Variants in ARHGEF18 observed in about 807,000 individuals in gnomAD.
The protein encoded by ARHGEF18 is Rho/Rac guanine nucleotide exchange factor 18.
In ARHGEF18, 93 loss-of-function variants were observed where a neutral mutation model predicts 155.7. The observed-to-expected ratio is 0.60, with a 90% confidence interval of 0.50 to 0.71. ARHGEF18 has a LOEUF of 0.71. Among genes scored for constraint, ARHGEF18 ranks in the 30% least tolerant of loss-of-function variants. The pLI is 0.00. For missense variants in ARHGEF18, 1,593 were observed against 1,816.1 expected (o/e 0.88, Z 2.23); for synonymous variants, 742 against 753.1 (o/e 0.99, Z 0.24).
intron 10 of ARHGEF18, among the ~76,000 whole-genome samples, chr19:7,424,976 G>A (rs969876806): frequency 4.0e-5 from 6 of 150,538 alleles, no homozygotes; most frequent in African/African-American, 1.5e-4. Context: ...CCTGGTGACA[G>A]AGTGAGACTA....
chr19:7,464,709 G>C lies in ARHGEF18; in HGVS notation c.2904+19G>C. 1 of 1,613,778 alleles carries C rather than the reference G, an allele frequency of 6.2e-7. No individual in the cohort carries two copies. The highest frequency in any genetic ancestry group is 1.1e-5 in the South Asian group (1 of 91,084). The stretch of plus-strand genomic sequence containing the variant: ...GCAGGTGGTACGTGGATATCCATTT[G>C]CTCGGTACAGTCTGAGTCGTCATAA... On this transcript the variant is annotated intron_variant, in intron 23 of 28. Coordinates refer to ENST00000668164, the MANE Select transcript of ARHGEF18 (RefSeq NM_001367823.1).
In ARHGEF18 at chr19:7,377,612, T is replaced by C. The variant is rs544319849; in HGVS notation, c.542-782T>C. ...CAGCCTGGGCAACATGGCGAAACCTTGTCTCTACTAAAAATACAAAAAACA... is the reference window on the plus strand; with the variant it reads ...CAGCCTGGGCAACATGGCGAAACCTCGTCTCTACTAAAAATACAAAAAACA... On this transcript the variant is annotated intron_variant, in intron 5 of 28. Transcript: ENST00000668164. Among the ~76,000 whole-genome samples the C allele has an allele frequency of 9.9e-5, 15 of 150,902 alleles. No individual in the cohort carries two copies. The East Asian group carries it at 2.8e-3, about 28-fold the overall frequency.
Position 7,458,710 on chromosome 19 carries a change from C to T in ARHGEF18, c.2360+20C>T, listed in dbSNP as rs1177972175. 2 of 1,597,864 alleles carry T rather than the reference C, an allele frequency of 1.3e-6. No individual in the cohort carries two copies. Among genetic ancestry groups the T allele is most frequent in the South Asian group, 2.2e-5 (2 of 90,000 alleles). On this transcript the variant is annotated intron_variant, in intron 19 of 28. Coordinates refer to ENST00000668164, the MANE Select transcript of ARHGEF18 (RefSeq NM_001367823.1). ...GGAGAGGTGAGGAGGGCCTGGGGGT[C>T]TCCCCACCCACTGTGTTCCTTCCGC...
At position 7,409,050 on chromosome 19, in the gene ARHGEF18, C is replaced by T. The variant is rs142840641; in HGVS notation, c.967+25847C>T. Among the ~76,000 whole-genome samples, 1,212 of 150,220 alleles carry T rather than the reference C, an allele frequency of 8.1e-3. 22 individuals carry two copies. Among genetic ancestry groups the T allele is most frequent in the African/African-American group, 0.028 (1,140 of 40,438 alleles). ...ATTCCAGCCTGGGCAAGAGCAAGAC[C>T]CTGTTTCTTTTTTTTTTTTTTTTTT... On this transcript the variant is annotated intron_variant, in intron 10 of 28. Transcript: ENST00000668164.
Position 7,351,167 on chromosome 19 carries a change from T to C in ARHGEF18, c.-111+1926T>C, listed in dbSNP as rs929557412. ...TGGCACGTAATAGATCAGAAAACAT[T>C]GTCAGCCTCACCTATGCCTTCATAC... On this transcript the variant is annotated intron_variant, in intron 1 of 28. Coordinates refer to ENST00000668164, the MANE Select transcript of ARHGEF18 (RefSeq NM_001367823.1). Among the ~76,000 whole-genome samples the C allele has an allele frequency of 2.6e-5, 4 of 152,278 alleles. No individual in the cohort carries two copies. The East Asian group carries it at 7.7e-4, about 29-fold the overall frequency.
intron 10 of ARHGEF18, among the ~76,000 whole-genome samples, chr19:7,431,679 C>CGG (rs754833422): frequency 6.6e-6 from 1 of 151,890 alleles, no homozygotes; most frequent in Non-Finnish European, 1.5e-5. Flanking sequence ...GCGGGCGTGG[C>CGG]GGCGCATGCC....
At position 7,350,785 on chromosome 19, in the gene ARHGEF18, T is replaced by G. The variant is rs373193332; in HGVS notation, c.-111+1544T>G. Among the ~76,000 whole-genome samples, 901 of 146,450 alleles carry G rather than the reference T, an allele frequency of 6.2e-3. 9 individuals are homozygous for G. The highest frequency in any genetic ancestry group is 0.021 in the African/African-American group (853 of 40,334). Reference sequence around the variant, plus strand: ...TGGGGTGGGTGTGTGTGTGTGTGTGTGTGTGTGTGTGTGTGTGTGTGTGTG... The same window carrying G: ...TGGGGTGGGTGTGTGTGTGTGTGTGGGTGTGTGTGTGTGTGTGTGTGTGTG... On this transcript the variant is annotated intron_variant, in intron 1 of 28. Transcript: ENST00000668164.
chr19:7,355,058 C>T (rs1365289453), intron 1 of ARHGEF18, among the ~76,000 whole-genome samples: 2 of 149,460 alleles, frequency 1.3e-5, no homozygotes, highest in Non-Finnish European at 3.0e-5. Context: ...CTCACGGATA[C>T]CAATGGGCTT....
intron 17 of ARHGEF18, among the ~76,000 whole-genome samples, chr19:7,455,748 G>T (rs1455836493): frequency 2.6e-5 from 4 of 152,202 alleles, no homozygotes; most frequent in African/African-American, 9.7e-5. Context: ...ACCTGTGGGG[G>T]AAGGCCTCAC....
At position 7,457,353 on chromosome 19, in the gene ARHGEF18, C is replaced by CTTTTTT. The variant is rs1159186670; in HGVS notation, c.2181+972_2181+977dup. 1.8e-4 allele frequency among the ~76,000 whole-genome samples: 11 copies of CTTTTTT among 60,216 alleles called. 2 individuals are homozygous for CTTTTTT. The highest frequency in any genetic ancestry group is 6.5e-4 in the African/African-American group (8 of 12,320). The allele number at this position is 60,216 out of a possible 152,430, so 39.5% of individuals were successfully genotyped here. ...ATCTCATTTTGCCATAATCACCTCT[C>CTTTTTT]TTTTTTTTTTTTTTTTTTTTTTTTT... On this transcript the variant is annotated intron_variant, in intron 18 of 28. Coordinates refer to ENST00000668164, the MANE Select transcript of ARHGEF18 (RefSeq NM_001367823.1).
intron 10 of ARHGEF18, among the ~76,000 whole-genome samples, chr19:7,385,099 G>A (rs981192066): frequency 1.3e-5 from 2 of 152,174 alleles, no homozygotes; most frequent in Non-Finnish European, 2.9e-5. Context: ...TCTTCTGCAG[G>A]GGATGAGCTG....
intron 10 of ARHGEF18, 148 bp downstream of exon 10, chr19:7,383,351 G>T: frequency 1.1e-6 from 1 of 897,012 alleles, no homozygotes; most frequent in Non-Finnish European, 1.5e-6. Flanking sequence ...AGAGAACCAG[G>T]GATCAGTCCC....
chr19:7,453,486 A>G lies in ARHGEF18; in HGVS notation c.1875A>G (p.Glu625=). The change falls in exon 17 of 29, where the codon GAA becomes GAG. Residue 625 remains glutamate, a synonymous_variant. Coordinates refer to ENST00000668164, the MANE Select transcript of ARHGEF18 (RefSeq NM_001367823.1). ...QNTEAGTEDY[E]DLTQALNLIK... ...TGGCAGCTGGCACTGAGGACTATGA[A>G]GACCTGACCCAGGCCTTGAACCTCA... 6.2e-7 allele frequency: 1 copy of G among 1,609,048 alleles called. No homozygotes were observed. Among genetic ancestry groups the G allele is most frequent in the Non-Finnish European group, 8.5e-7 (1 of 1,176,580 alleles).
Position 7,383,306 on chromosome 19 carries a change from C to T in ARHGEF18, c.967+103C>T, listed in dbSNP as rs141559731. On this transcript the variant is annotated intron_variant, in intron 10 of 28. Transcript: ENST00000668164. ...GGGTCTCTTTTGATGTGTGCATCCT[C>T]GTTCTGTTTTGCCCTCTCCTCGGCG... 8.8e-5 allele frequency: 106 copies of T among 1,206,970 alleles called. No individual in the cohort carries two copies. The African/African-American group carries it at 1.1e-3, about 13-fold the overall frequency. 74.8% of individuals were successfully genotyped at this position (1,206,970 alleles called of 1,614,324 possible). A position where few individuals can be genotyped will look rare whatever the true frequency, so the allele number is the denominator to read the frequency against.
At chr19:7,468,243 C>A (rs1488510870) in intron 26 of ARHGEF18, among the ~76,000 whole-genome samples, 1 of 105,488 alleles carries the variant, frequency 9.5e-6, no homozygotes, top group East Asian at 3.0e-4. Context: ...AGAGTGAGAC[C>A]CCGTCTCAAA....
chr19:7,397,843 AC>A (rs2145554053), intron 10 of ARHGEF18, among the ~76,000 whole-genome samples: 1 of 151,886 alleles, frequency 6.6e-6, no homozygotes, highest in Admixed American at 6.6e-5. Context: ...TGCTAGGATT[AC>A]AGGCGTGAGC....
chr19:7,460,078 G>GC, intron 20 of ARHGEF18, 84 bp downstream of exon 20: 6 of 1,325,122 alleles, frequency 4.5e-6, no homozygotes, highest in East Asian at 2.6e-5. Flanking sequence ...AGGGTGAACT[G>GC]CCCCCCAGGT....
At position 7,373,463 on chromosome 19, in the gene ARHGEF18, GT is replaced by G. The variant is rs534449492; in HGVS notation, c.275+405del. On this transcript the variant is annotated intron_variant, in intron 3 of 28. Transcript: ENST00000668164. Reference sequence around the variant, plus strand: ...ACTAGATTCTCTTGTTTTTGTGTTTGTTTTTTTTTTTTTGTTTTTGTTTTTT... The same window carrying G: ...ACTAGATTCTCTTGTTTTTGTGTTTGTTTTTTTTTTTTGTTTTTGTTTTTT... Among the ~76,000 whole-genome samples the G allele has an allele frequency of 3.5e-3, 301 of 87,112 alleles. 2 individuals are homozygous for G. The highest frequency in any genetic ancestry group is 0.029 in the African/African-American group (238 of 8,246). 57.1% of individuals were successfully genotyped at this position (87,112 alleles called of 152,430 possible). A position where few individuals can be genotyped will look rare whatever the true frequency, so the allele number is the denominator to read the frequency against.
intron 10 of ARHGEF18, among the ~76,000 whole-genome samples, chr19:7,394,464 G>A (rs762649556): frequency 4.6e-5 from 7 of 151,278 alleles, no homozygotes; most frequent in African/African-American, 7.3e-5. Flanking sequence ...CAATCCTAAC[G>A]AGCCCGTAGG....
Sources: allele counts gnomAD v4.1 joint callset (sites outside exome capture counted in the v4.1 genomes callset), GRCh38; gene constraint gnomAD v4.1.1; transcripts MANE v1.5; gene names NCBI Gene and HGNC (gene_info 2026-07-23, HGNC 2026-07-21).